LRRC37B: variants seen among roughly 807,000 people sequenced by gnomAD.
The protein encoded by LRRC37B is leucine rich repeat containing 37B, also known as leucine-rich repeat-containing protein 37B.
A neutral mutation model predicts 98.3 loss-of-function variants in LRRC37B; 28 were observed. The ratio of observed to expected loss-of-function variants is 0.28; its 90% CI spans 0.21 to 0.39. The LOEUF is 0.39. LRRC37B is among the 10% of genes least tolerant of loss of function. LRRC37B has a pLI of 1.00. For missense variants in LRRC37B, 938 were observed against 1,182.7 expected, an observed-to-expected ratio of 0.79 and a Z score of 3.03; for synonymous variants, 364 against 442.7, an observed-to-expected ratio of 0.82 and a Z score of 2.23.
intron 11 of LRRC37B, among the ~76,000 whole-genome samples, chr17:32,050,878 C>T (rs1911736345): frequency 6.6e-6 from 1 of 152,142 alleles, no homozygotes; most frequent in Non-Finnish European, 1.5e-5. Context: ...CTCTTTTTGC[C>T]TTTTGTTTGA....
exon 1 of LRRC37B, chr17:32,022,028 G>C: frequency 1.2e-6 from 2 of 1,613,990 alleles, no homozygotes; most frequent in Non-Finnish European, 1.7e-6. Flanking sequence ...TCCCTCAGGA[G>C]GTAGAACCTT....
At chr17:32,037,751 A>C (rs1271695492) in intron 7 of LRRC37B, among the ~76,000 whole-genome samples, 1 of 152,192 alleles carries the variant, frequency 6.6e-6, no homozygotes, top group Non-Finnish European at 1.5e-5. Context: ...ATTGGATATT[A>C]ATATTTTTAT....
rs1911626329 is a variant in LRRC37B, at chr17:32,047,650, C to T, written c.2324-111C>T. On this transcript the variant is annotated intron_variant, in intron 8 of 11. Transcript: ENST00000327564. Reference sequence around the variant, plus strand: ...ATGTTTCTCCTCTCTGAATGGCACTCGAATGTTTGCTGACTCTTACTCTGT... The same window carrying T: ...ATGTTTCTCCTCTCTGAATGGCACTTGAATGTTTGCTGACTCTTACTCTGT... 1.1e-5 allele frequency: 16 copies of T among 1,513,426 alleles called. No individual in the cohort carries two copies. The South Asian group carries it at 1.4e-4, about 13-fold the overall frequency. 93.7% of individuals were successfully genotyped at this position (1,513,426 alleles called of 1,614,324 possible). A position where few individuals can be genotyped will look rare whatever the true frequency, so the allele number is the denominator to read the frequency against.
At chr17:32,027,303 G>C (rs1276321613) in intron 2 of LRRC37B, among the ~76,000 whole-genome samples, 1 of 152,176 alleles carries the variant, frequency 6.6e-6, no homozygotes, top group South Asian at 2.1e-4. Context: ...GGTGGGAAGA[G>C]TGGAGCAGTG....
intron 5 of LRRC37B, 147 bp downstream of exon 8, chr17:32,031,605 G>A (rs1242836870): frequency 4.3e-6 from 5 of 1,170,068 alleles, no homozygotes; most frequent in Non-Finnish European, 5.8e-6. Flanking sequence ...GGAAACTAAG[G>A]TACAAAGCAG....
At chr17:32,030,968 T>G (rs964775257) in intron 4 of LRRC37B, among the ~76,000 whole-genome samples, 3 of 152,206 alleles carry the variant, frequency 2.0e-5, no homozygotes, top group African/African-American at 7.2e-5. Context: ...TGACATTTGG[T>G]AATGTCCAGA....
chr17:32,025,116 A>G (rs999401476), intron 2 of LRRC37B, among the ~76,000 whole-genome samples: 1 of 112,850 alleles, frequency 8.9e-6, no homozygotes, highest in African/African-American at 3.4e-5. Context: ...ATCTCACTGC[A>G]GCCTTCACCT....
chr17:32,037,878 C>T (rs1351771637), intron 7 of LRRC37B, among the ~76,000 whole-genome samples: 5 of 151,938 alleles, frequency 3.3e-5, no homozygotes, highest in Non-Finnish European at 5.9e-5. Flanking sequence ...GAGGCCAAGG[C>T]GGGTGGATCA....
rs532878040 is a variant in LRRC37B at position 32,035,475 on chromosome 17, T to C, written c.2130-90T>C. 7.3e-6 allele frequency: 10 copies of C among 1,377,796 alleles called. No individual in the cohort carries two copies. In the African/African-American group the frequency reaches 1.3e-4, roughly 18 times the overall value. 85.3% of individuals were successfully genotyped at this position (1,377,796 alleles called of 1,614,324 possible). A position where few individuals can be genotyped will look rare whatever the true frequency, so the allele number is the denominator to read the frequency against. On this transcript the variant is annotated intron_variant, in intron 6 of 11. Coordinates refer to ENST00000327564, the Ensembl canonical transcript of LRRC37B. ...GGCTTGTTTTATAGAGAAGCCAAAA[T>C]AGAAGTAATCACATGTCCTTGAATT...
chr17:32,009,774 T>C (rs1425386029), intron 1 of LRRC37B, among the ~76,000 whole-genome samples: 2 of 152,066 alleles, frequency 1.3e-5, no homozygotes, highest in African/African-American at 4.8e-5. Context: ...TCCCAAGTAG[T>C]TGGGACCACA....
intron 7 of LRRC37B, chr17:32,041,333 G>A (rs541555724): frequency 3.6e-5 from 27 of 754,822 alleles, no homozygotes; most frequent in Middle Eastern, 2.3e-4. Flanking sequence ...GGAGCATGCC[G>A]CCCCTAGACC....
At chr17:32,039,348 A>G (rs928572025) in intron 7 of LRRC37B, among the ~76,000 whole-genome samples, 1 of 148,196 alleles carries the variant, frequency 6.7e-6, no homozygotes, top group Non-Finnish European at 1.5e-5. Flanking sequence ...GTGATGGCAC[A>G]CTCCTGTAGT....
intron 1 of LRRC37B, among the ~76,000 whole-genome samples, chr17:32,015,825 T>C (rs1188788158): frequency 2.6e-5 from 4 of 152,156 alleles, no homozygotes; most frequent in Non-Finnish European, 5.9e-5. Context: ...CAGGGGGGCA[T>C]GAGTAATTGC....
At position 32,014,807 on chromosome 17, in the gene LRRC37B, C is replaced by G. The variant is rs1201861670; in HGVS notation, c.-190-3165C>G. ...TCTGAGGATAAAATAAGATAATGCA[C>G]TTTAAAGTGCTCAGCACAATGTCTG... On this transcript the variant is annotated intron_variant, in intron 1 of 14. Coordinates refer to the LRRC37B transcript ENST00000543378. 2.0e-5 allele frequency among the ~76,000 whole-genome samples: 3 copies of G among 152,156 alleles called. No homozygotes were observed. The South Asian group carries it at 6.2e-4, about 32-fold the overall frequency.
At chr17:32,045,471 A>C in intron 7 of LRRC37B, 4 of 526,058 alleles carry the variant, frequency 7.6e-6, no homozygotes, top group Non-Finnish European at 1.4e-5. Flanking sequence ...ACCCAATTCT[A>C]ATCCCAACCA....
chr17:32,034,634 GA>G (rs1911195555), intron 5 of LRRC37B, among the ~76,000 whole-genome samples: 1 of 150,864 alleles, frequency 6.6e-6, no homozygotes, highest in Non-Finnish European at 1.5e-5. Flanking sequence ...TTTTTGACCT[GA>G]AAAGTTCTGT....
chr17:32,044,502 C>T (rs2530886), intron 7 of LRRC37B, among the ~76,000 whole-genome samples: 7 of 152,300 alleles, frequency 4.6e-5, no homozygotes, highest in Non-Finnish European at 7.3e-5. Flanking sequence ...GCATAGGTGA[C>T]GTATCTTTCC....
At chr17:32,040,422 G>T in intron 7 of LRRC37B, 2 of 528,762 alleles carry the variant, frequency 3.8e-6, no homozygotes, top group East Asian at 4.3e-5. Context: ...GAGGTTCTGC[G>T]GCGGGAGGCA....
intron 1 of LRRC37B, among the ~76,000 whole-genome samples, chr17:32,008,841 C>A (rs1001780283): frequency 1.8e-4 from 27 of 152,212 alleles, no homozygotes; most frequent in African/African-American, 6.0e-4. Flanking sequence ...TTTGGTAATT[C>A]ATCCGATTCA....
Sources: allele counts gnomAD v4.1 joint callset (sites outside exome capture counted in the v4.1 genomes callset), GRCh38; gene constraint gnomAD v4.1.1; transcripts MANE v1.5; gene names NCBI Gene and HGNC (gene_info 2026-07-23, HGNC 2026-07-21).